Variants in CNTN4 observed in about 807,000 individuals in gnomAD.
The protein encoded by CNTN4 is contactin 4, also known as contactin-4.
A neutral mutation model predicts 122.5 loss-of-function variants in CNTN4; 77 were observed. The ratio of observed to expected loss-of-function variants is 0.63; its 90% confidence interval spans 0.52 to 0.76. CNTN4 has a LOEUF of 0.76. Ranked by LOEUF, CNTN4 falls within the 30% of genes least tolerant of loss-of-function variation. The probability of loss-of-function intolerance (pLI) is 0.00; values close to 1 mark genes in which losing one functional copy is unlikely to be tolerated. For synonymous variants in CNTN4, 512 were observed against 447.0 expected (o/e 1.15, Z -1.83); for missense variants, 1,256 against 1,259.1 (o/e 1.00, Z 0.04).
chr3:3,011,778 T>G (rs1574817104), intron 14 of CNTN4, among the ~76,000 whole-genome samples: 1 of 151,964 alleles, frequency 6.6e-6, no homozygotes, highest in Admixed American at 6.5e-5. Context: ...TTCCTCTCAC[T>G]AAATTTTCCT....
intron 2 of CNTN4, among the ~76,000 whole-genome samples, chr3:2,330,592 A>G (rs1165729350): frequency 3.4e-5 from 4 of 119,174 alleles, no homozygotes; most frequent in East Asian, 2.8e-4. Context: ...AAAGAGGGTC[A>G]GTATCTTAAT....
intron 4 of CNTN4, among the ~76,000 whole-genome samples, chr3:2,592,600 TG>T (rs947083301): frequency 6.6e-6 from 1 of 152,220 alleles, no homozygotes; most frequent in African/African-American, 2.4e-5. Context: ...TCTCTCTTTT[TG>T]CCTGCCAACA....
intron 2 of CNTN4, among the ~76,000 whole-genome samples, chr3:2,114,764 T>C (rs2033223870): frequency 6.6e-6 from 1 of 152,192 alleles, no homozygotes; most frequent in Non-Finnish European, 1.5e-5. Context: ...CTTTATGCTG[T>C]AGAAAGCCAC....
chr3:2,663,133 A>T (rs572302713), intron 4 of CNTN4, among the ~76,000 whole-genome samples: 1 of 152,028 alleles, frequency 6.6e-6, no homozygotes, highest in African/African-American at 2.4e-5. Flanking sequence ...GGAAATAAAG[A>T]CACAAGATCA....
At chr3:2,830,629 A>G (rs2093083874) in intron 7 of CNTN4, among the ~76,000 whole-genome samples, 1 of 152,208 alleles carries the variant, frequency 6.6e-6, no homozygotes, top group Non-Finnish European at 1.5e-5. Context: ...GAAGAGAACA[A>G]ATGATCAACA....
At chr3:2,977,737 G>A (rs1360898903) in intron 13 of CNTN4, among the ~76,000 whole-genome samples, 1 of 152,118 alleles carries the variant, frequency 6.6e-6, no homozygotes, top group African/African-American at 2.4e-5. Flanking sequence ...CCCGTTATGG[G>A]TTAAACAGTT....
intron 13 of CNTN4, among the ~76,000 whole-genome samples, chr3:2,933,669 C>A (rs891720784): frequency 6.6e-6 from 1 of 152,208 alleles, no homozygotes; most frequent in African/African-American, 2.4e-5. Context: ...TTTTGAAAGG[C>A]CTTTTCTATT....
chr3:2,900,851 G>C (rs1401810673), intron 11 of CNTN4, 30 bp downstream of exon 11: 3 of 1,613,260 alleles, frequency 1.9e-6, no homozygotes, highest in Non-Finnish European at 2.5e-6. Context: ...TTGTGCCTTA[G>C]TCTTGACTAT....
Position 2,866,959 on chromosome 3 carries a change from C to T in CNTN4, c.652+10C>T, listed in dbSNP as rs2093730591. 2 of 1,611,936 alleles carry T rather than the reference C, an allele frequency of 1.2e-6. No homozygotes were observed. The highest frequency in any genetic ancestry group is 2.7e-5 in the African/African-American group (2 of 74,844). On this transcript the variant is annotated intron_variant, in intron 8 of 24. Transcript: ENST00000418658. ...ATATTGAGAAATGATGGTGAGTTTT[C>T]AAGTAATTTTGTTAATTTTGTTTCT...
At chr3:2,439,682 A>G (rs2048366886) in intron 3 of CNTN4, among the ~76,000 whole-genome samples, 1 of 151,928 alleles carries the variant, frequency 6.6e-6, no homozygotes, top group Admixed American at 6.6e-5. Context: ...AAAATGGAGG[A>G]AGAAGACAAG....
chr3:2,717,443 G>A (rs1486527540), intron 4 of CNTN4, among the ~76,000 whole-genome samples: 5 of 152,214 alleles, frequency 3.3e-5, no homozygotes, highest in African/African-American at 1.2e-4. Context: ...ATAATTCATT[G>A]CTGTTTTATG....
chr3:2,384,893 A>C (rs957146943), intron 3 of CNTN4, among the ~76,000 whole-genome samples: 1 of 151,386 alleles, frequency 6.6e-6, no homozygotes, highest in Non-Finnish European at 1.5e-5. Flanking sequence ...TTGTTAGTGC[A>C]CTGCCTTAAG....
At chr3:2,410,291 G>A (rs926493757) in intron 3 of CNTN4, among the ~76,000 whole-genome samples, 1 of 152,114 alleles carries the variant, frequency 6.6e-6, no homozygotes, top group African/African-American at 2.4e-5. Flanking sequence ...TTTGCTGTTG[G>A]AATAGAACAG....
rs146391996 is a variant in CNTN4 at position 2,550,086 on chromosome 3, C to T, written c.-88-21330C>T. Among the ~76,000 whole-genome samples, 482 of 152,184 alleles carry T rather than the reference C, an allele frequency of 3.2e-3. 3 individuals carry two copies. Among genetic ancestry groups the T allele is most frequent in the African/African-American group, 0.011 (455 of 41,542 alleles). On this transcript the variant is annotated intron_variant, in intron 3 of 24. Transcript: ENST00000418658. ...TTTATTGTGCCTATTTGATTCTTCT[C>T]TCTTTTCTTCTTATTAGTCTGGCTA... is the stretch of plus-strand genomic sequence containing the variant.
intron 13 of CNTN4, among the ~76,000 whole-genome samples, chr3:2,931,240 T>C (rs1354892636): frequency 6.6e-6 from 1 of 152,050 alleles, no homozygotes; most frequent in African/African-American, 2.4e-5. Flanking sequence ...ATACGGACTA[T>C]TAAAGGGTAG....
At chr3:2,670,394 A>T (rs1346385078) in intron 4 of CNTN4, among the ~76,000 whole-genome samples, 1 of 152,096 alleles carries the variant, frequency 6.6e-6, no homozygotes, top group African/African-American at 2.4e-5. Context: ...AGTCTGTTTT[A>T]TCAGAGACTA....
intron 3 of CNTN4, among the ~76,000 whole-genome samples, chr3:2,410,836 G>A (rs1156709618): frequency 6.6e-6 from 1 of 152,204 alleles, no homozygotes; most frequent in Non-Finnish European, 1.5e-5. Context: ...CAGTAGCATA[G>A]TCAGCCTGAC....
chr3:2,358,270 T>G (rs1367833465), intron 3 of CNTN4, among the ~76,000 whole-genome samples: 2 of 152,156 alleles, frequency 1.3e-5, no homozygotes, highest in Non-Finnish European at 2.9e-5. Context: ...ATTTCGAGCC[T>G]CCGTTTTTGC....
intron 2 of CNTN4, among the ~76,000 whole-genome samples, chr3:2,180,637 C>G (rs149809636): frequency 5.7e-4 from 86 of 152,158 alleles, no homozygotes; most frequent in African/African-American, 2.0e-3. Flanking sequence ...TTGAATTAGT[C>G]TCTCCTGAAA....
Sources: allele counts gnomAD v4.1 joint callset (sites outside exome capture counted in the v4.1 genomes callset), GRCh38; gene constraint gnomAD v4.1.1; transcripts MANE v1.5; gene names NCBI Gene and HGNC (gene_info 2026-07-23, HGNC 2026-07-21).